The following SH2D7 variants were observed in gnomAD, a reference collection of about 807,000 sequenced individuals.
SH2D7 encodes the protein SH2 domain containing 7.
Under a neutral mutation model 40.8 loss-of-function variants are expected in SH2D7, and 32 were observed. The ratio of observed to expected loss-of-function variants is 0.78; its 90% CI spans 0.59 to 1.05. The LOEUF is 1.05. SH2D7 is among the 50% of genes least tolerant of loss of function. The pLI, the probability that SH2D7 is intolerant of heterozygous loss-of-function variation, is 0.00. For missense variants in SH2D7, 559 were observed against 566.6 expected (o/e 0.99, Z 0.14); for synonymous variants, 195 against 221.5 (o/e 0.88, Z 1.06).
chr15:78,098,401 G>C lies in SH2D7; in HGVS notation c.450G>C (p.Leu150=). 1 of 1,613,686 alleles carries C rather than the reference G, an allele frequency of 6.2e-7. No homozygotes were observed. The highest frequency in any genetic ancestry group is 1.3e-5 in the African/African-American group (1 of 75,022). ...GCTCCCAGCCAGAGGACAATGATCT[G>C]TATGATGCCATCACCCGGGGCCTCC... ...AACPRPEDND[L]YDAITRGLHQ... Residue 150 remains leucine, a synonymous_variant, in exon 4 of 6, where the codon CTG becomes CTC. Coordinates refer to ENST00000328828, the MANE Select transcript of SH2D7 (RefSeq NM_001101404.2).
At chr15:78,102,012 G>A (rs576538422) in intron 5 of SH2D7, among the ~76,000 whole-genome samples, 50 of 152,198 alleles carry the variant, frequency 3.3e-4, no homozygotes, top group Non-Finnish European at 5.7e-4. Flanking sequence ...AGCCCTTTGG[G>A]AGGCTGAGGC....
chr15:78,098,532 T>C lies in SH2D7; in HGVS notation c.581T>C (p.Phe194Ser), dbSNP rs2073990443. 6.2e-7 allele frequency: 1 copy of C among 1,613,946 alleles called. No homozygotes were observed. ...TCTTCTCCAAAGCCCCAGGTCTCCT[T>C]CCTCCATGCACAGAAAAGCCTGGAT... The part of the protein sequence containing the change: ...PRSSPKPQVS[F>S]LHAQKSLDVS... The change falls in exon 4 of 6, where the codon TTC (phenylalanine) becomes TCC (serine). Residue 194 changes from phenylalanine to serine, a missense_variant. Coordinates refer to ENST00000328828, the MANE Select transcript of SH2D7 (RefSeq NM_001101404.2).
At position 78,093,861 on chromosome 15, in the gene SH2D7, G is replaced by A. The variant is rs187656474; in HGVS notation, c.177-251G>A. Among the ~76,000 whole-genome samples, 268 of 152,308 alleles carry A rather than the reference G, an allele frequency of 1.8e-3. 3 individuals are homozygous for A. The highest frequency in any genetic ancestry group is 3.4e-3 in the Middle Eastern group (1 of 294). ...GAGGCTGCAGTGGGGAGTTGGGGGG[G>A]TTGCATATGGCTTCAGACCCTGACC... On this transcript the variant is annotated intron_variant, in intron 1 of 5. Transcript: ENST00000328828.
chr15:78,098,495 G>GCCAGCC lies in SH2D7; in HGVS notation c.547_552dup (p.Ser183_Pro184dup), dbSNP rs1567044160. On this transcript the variant is annotated inframe_insertion, in exon 4 of 6. Transcript: ENST00000328828. ...CCTCACAGTGGTCCCCGACAAGGCC[G>GCCAGCC]CCAGCCCCCGCTCTTCTCCAAAGCC... The GCCAGCC allele has an allele frequency of 6.2e-7, 1 of 1,613,968 alleles. No individual in the cohort carries two copies. Among genetic ancestry groups the GCCAGCC allele is most frequent in the South Asian group, 1.1e-5 (1 of 91,074 alleles).
At chr15:78,096,288 TA>T (rs1408967023) in intron 2 of SH2D7, among the ~76,000 whole-genome samples, 2 of 151,954 alleles carry the variant, frequency 1.3e-5, no homozygotes. Flanking sequence ...CTCCTACAAA[TA>T]AATAAGCAAA....
rs1411423467 is a variant in SH2D7 at position 78,100,789 on chromosome 15, G to C, written c.646-110G>C. ...ATCCAACCCTTGCATGTACGGGCAG[G>C]AGGACTATAGCCAAGACAGGGGGCC... is the stretch of plus-strand genomic sequence containing the variant. On this transcript the variant is annotated intron_variant, in intron 4 of 5. Transcript: ENST00000328828. 1.5e-5 allele frequency: 18 copies of C among 1,211,268 alleles called. No homozygotes were observed. In the East Asian group the frequency reaches 3.9e-4, roughly 26 times the overall value. The allele number at this position is 1,211,268 out of a possible 1,614,324, so 75.0% of individuals were successfully genotyped here.
At chr15:78,103,239 C>T (rs1490355580) in intron 5 of SH2D7, among the ~76,000 whole-genome samples, 1 of 152,200 alleles carries the variant, frequency 6.6e-6, no homozygotes. Flanking sequence ...TCTTCCCCTT[C>T]TCTCCTTAGC....
chr15:78,094,058 G>A (rs2073955285), intron 1 of SH2D7, 54 bp from the exon 2 acceptor site: 4 of 1,529,766 alleles, frequency 2.6e-6, no homozygotes, highest in Non-Finnish European at 3.5e-6. Flanking sequence ...AAGTCAGGCT[G>A]CACCTGCTGC....
Position 78,103,529 on chromosome 15 carries a change from G to T in SH2D7, c.*14G>T. On this transcript the variant is annotated 3_prime_UTR_variant, in exon 6 of 6. Coordinates refer to ENST00000328828, the MANE Select transcript of SH2D7 (RefSeq NM_001101404.2). Reference sequence around the variant, plus strand: ...CACAAATTCTGAGGGCCTGGCATCCGGCAGCCCACCAGTGGGTTTCCTGGT... The same window carrying T: ...CACAAATTCTGAGGGCCTGGCATCCTGCAGCCCACCAGTGGGTTTCCTGGT... The T allele has an allele frequency of 6.4e-7, 1 of 1,560,528 alleles. No homozygotes were observed.
intron 1 of SH2D7, among the ~76,000 whole-genome samples, chr15:78,093,747 C>T (rs1004526851): frequency 6.6e-6 from 1 of 152,256 alleles, no homozygotes; most frequent in Non-Finnish European, 1.5e-5. Context: ...TAAACCTCAA[C>T]ATCTCCAGCT....
Position 78,101,167 on chromosome 15 carries a change from A to G in SH2D7, c.914A>G (p.Asp305Gly). 3.2e-6 allele frequency: 5 copies of G among 1,575,956 alleles called. No homozygotes were observed. The highest frequency in any genetic ancestry group is 4.3e-6 in the Non-Finnish European group (5 of 1,163,674). Reference sequence around the variant, plus strand: ...CCTGTCCTTTCTGGGGTGAGCCCAGACCAGGGTCCCACAGAGTCTCCCACT... The same window carrying G: ...CCTGTCCTTTCTGGGGTGAGCCCAGGCCAGGGTCCCACAGAGTCTCCCACT... ...LGPVLSGVSPDQGPTESPTSW... is the reference protein window; with the variant it reads ...LGPVLSGVSPGQGPTESPTSW... The change falls in exon 5 of 6, where the codon GAC becomes GGC. Residue 305 changes from aspartate to glycine, a missense_variant. Coordinates refer to ENST00000328828, the MANE Select transcript of SH2D7 (RefSeq NM_001101404.2).
At chr15:78,095,263 A>G (rs958175693) in intron 2 of SH2D7, among the ~76,000 whole-genome samples, 1 of 152,240 alleles carries the variant, frequency 6.6e-6, no homozygotes, top group Non-Finnish European at 1.5e-5. Context: ...CATTGTTAAA[A>G]TATTTTTATT....
intron 4 of SH2D7, among the ~76,000 whole-genome samples, chr15:78,100,505 C>T (rs1172668570): frequency 6.6e-6 from 1 of 152,086 alleles, no homozygotes; most frequent in Non-Finnish European, 1.5e-5. Context: ...CGAGACCAGC[C>T]TGGCCAACTT....
At chr15:78,093,961 C>A in intron 1 of SH2D7, 151 bp from the exon 2 acceptor site, 2 of 664,476 alleles carry the variant, frequency 3.0e-6, no homozygotes, top group Non-Finnish European at 5.1e-6. Flanking sequence ...GGCCACAGAC[C>A]CATCCACAGG....
chr15:78,101,371 C>A lies in SH2D7; in HGVS notation c.1118C>A (p.Thr373Asn). Residue 373 changes from threonine (T) to asparagine (N), a missense_variant, in exon 5 of 6, where the codon ACC becomes AAC. By Grantham distance (65) the Thr-to-Asn change is moderately conservative. Transcript: ENST00000328828. ...ARDTPDQEGS[T>N]YEQIPACWGG... ...GACACACCAGACCAAGAAGGCAGCACCTATGAGCAGATCCCAGCTTGCTGG... is the reference window on the plus strand; with the variant it reads ...GACACACCAGACCAAGAAGGCAGCAACTATGAGCAGATCCCAGCTTGCTGG... 6.2e-7 allele frequency: 1 copy of A among 1,613,558 alleles called. No homozygotes were observed. Among genetic ancestry groups the A allele is most frequent in the East Asian group, 2.2e-5 (1 of 44,880 alleles).
chr15:78,103,376 A>T, intron 5 of SH2D7, 89 bp from the exon 6 acceptor site: 13 of 1,482,742 alleles, frequency 8.8e-6, no homozygotes, highest in Non-Finnish European at 1.1e-5. Flanking sequence ...TGGGCCCCCA[A>T]CCCAAGGTCA....
At chr15:78,090,798 C>A (rs979345374), upstream of SH2D7, among the ~76,000 whole-genome samples, 1 of 152,072 alleles carries the variant, frequency 6.6e-6, no homozygotes, top group African/African-American at 2.4e-5. Context: ...GGAATTTGAA[C>A]CAAGGAAATC....
chr15:78,090,335 G>A (rs1343587795), upstream of SH2D7, among the ~76,000 whole-genome samples: 1 of 152,146 alleles, frequency 6.6e-6, no homozygotes, highest in Admixed American at 6.5e-5. Flanking sequence ...TTGAACCCAG[G>A]AGGCAGAGGT....
chr15:78,103,571 G>C lies in SH2D7; in HGVS notation c.*56G>C. 2 of 1,547,320 alleles carry C rather than the reference G, an allele frequency of 1.3e-6. No individual in the cohort carries two copies. Among genetic ancestry groups the C allele is most frequent in the South Asian group, 1.2e-5 (1 of 83,912 alleles). ...TTTCCTGGTACCCAGGCCATGCCAG[G>C]GGTTATCGCAAAGGCCTCAGCTCAC... On this transcript the variant is annotated 3_prime_UTR_variant, in exon 6 of 6. Coordinates refer to ENST00000328828, the MANE Select transcript of SH2D7 (RefSeq NM_001101404.2).
Sources: gnomAD v4.1 joint callset for allele counts (sites outside exome capture counted in the v4.1 genomes callset) on GRCh38, gnomAD v4.1.1 for gene constraint, MANE v1.5 for transcripts, NCBI Gene and HGNC (gene_info 2026-07-23, HGNC 2026-07-21) for gene names.